Variants in TAFA1 observed in about 807,000 individuals in gnomAD.
TAFA1 encodes the protein chemokine-like protein TAFA-1.
TAFA1 carries 4 observed loss-of-function variants against 18.5 expected under a neutral mutation model. The ratio of observed to expected loss-of-function variants is 0.22; its 90% CI spans 0.11 to 0.49. TAFA1 has a LOEUF of 0.49. Among genes scored for constraint, TAFA1 ranks in the 20% least tolerant of loss-of-function variants. TAFA1 has a pLI of 0.98. For missense variants in TAFA1, 147 were observed against 169.0 expected (o/e 0.87, Z 0.72); for synonymous variants, 56 against 55.2 (o/e 1.01, Z -0.06).
the TAFA1 span, among the ~76,000 whole-genome samples, chr3:67,995,392 A>G: frequency 6.6e-6 from 1 of 152,106 alleles, no homozygotes; most frequent in Non-Finnish European, 1.5e-5. Context: ...GGGCATTTAG[A>G]GTTTTAAAAA....
chr3:68,187,120 G>C (rs554425760), intron 2 of TAFA1, among the ~76,000 whole-genome samples: 1 of 151,922 alleles, frequency 6.6e-6, no homozygotes, highest in African/African-American at 2.4e-5. Context: ...CATTTTACCT[G>C]TTATTATTTG....
intron 3 of TAFA1, among the ~76,000 whole-genome samples, chr3:68,433,983 G>C (rs963131686): frequency 3.9e-5 from 6 of 152,078 alleles, no homozygotes; most frequent in Non-Finnish European, 8.8e-5. Flanking sequence ...CTTTTGTCCT[G>C]AGTGTATCAC....
intron 2 of TAFA1, among the ~76,000 whole-genome samples, chr3:68,130,011 A>G (rs1176848426): frequency 6.6e-6 from 1 of 152,166 alleles, no homozygotes; most frequent in Non-Finnish European, 1.5e-5. Flanking sequence ...TTTGAGCAAA[A>G]TTTTATACAC....
At chr3:68,390,869 G>C (rs1439311808) in intron 2 of TAFA1, among the ~76,000 whole-genome samples, 4 of 152,104 alleles carry the variant, frequency 2.6e-5, no homozygotes, top group Non-Finnish European at 5.9e-5. Flanking sequence ...CAAAATCAAA[G>C]ACCAAATGTC....
At chr3:68,095,851 A>G (rs2065081553) in intron 2 of TAFA1, among the ~76,000 whole-genome samples, 1 of 152,086 alleles carries the variant, frequency 6.6e-6, no homozygotes, top group South Asian at 2.1e-4. Context: ...GTGTATATTT[A>G]TTGGGTACAC....
chr3:68,412,946 T>C (rs4855337), intron 2 of TAFA1, among the ~76,000 whole-genome samples: 142,979 of 150,680 alleles, frequency 0.95, 67,927 homozygotes, highest in East Asian at 1. Context: ...CCTGAGGAAT[T>C]GCCACACTGA....
intron 3 of TAFA1, among the ~76,000 whole-genome samples, chr3:68,494,616 TGTA>T (rs1302750507): frequency 3.3e-5 from 5 of 152,210 alleles, no homozygotes; most frequent in African/African-American, 1.2e-4. Context: ...TCTTGGTTCA[TGTA>T]GTACTCTTGA....
At chr3:68,018,142 A>C (rs1172260715) in intron 2 of TAFA1, among the ~76,000 whole-genome samples, 1 of 152,220 alleles carries the variant, frequency 6.6e-6, no homozygotes, top group Non-Finnish European at 1.5e-5. Context: ...TTTATTTCTT[A>C]ATTACTTAGT....
At chr3:68,454,285 A>G (rs2106904361) in intron 3 of TAFA1, among the ~76,000 whole-genome samples, 1 of 152,020 alleles carries the variant, frequency 6.6e-6, no homozygotes, top group Non-Finnish European at 1.5e-5. Context: ...CCATCTATTC[A>G]TTTGCTTCTA....
At chr3:68,228,459 G>C (rs2066830634) in intron 2 of TAFA1, among the ~76,000 whole-genome samples, 1 of 152,096 alleles carries the variant, frequency 6.6e-6, no homozygotes. Flanking sequence ...ATGATAATCA[G>C]GCTCAAAAAT....
At chr3:68,354,606 T>C (rs939423153) in intron 2 of TAFA1, among the ~76,000 whole-genome samples, 1 of 152,018 alleles carries the variant, frequency 6.6e-6, no homozygotes, top group Non-Finnish European at 1.5e-5. Context: ...AATAACTGAC[T>C]TAGTTCATTC....
chr3:68,439,829 A>T (rs2071340022), intron 3 of TAFA1, among the ~76,000 whole-genome samples: 1 of 152,028 alleles, frequency 6.6e-6, no homozygotes, highest in African/African-American at 2.4e-5. Flanking sequence ...ATTAACAATC[A>T]CAAGTCCATT....
chr3:68,330,812 T>C (rs1450499506), intron 2 of TAFA1, among the ~76,000 whole-genome samples: 1 of 152,214 alleles, frequency 6.6e-6, no homozygotes, highest in African/African-American at 2.4e-5. Flanking sequence ...GCCTTAATGG[T>C]CTTAGTCTAT....
intron 3 of TAFA1, among the ~76,000 whole-genome samples, chr3:68,534,686 T>A (rs1018258485): frequency 2.0e-5 from 3 of 152,156 alleles, no homozygotes; most frequent in African/African-American, 7.2e-5. Flanking sequence ...AACCAGTGGA[T>A]CTTTACAACC....
chr3:68,046,086 A>C (rs1705262267), intron 2 of TAFA1, among the ~76,000 whole-genome samples: 1 of 151,980 alleles, frequency 6.6e-6, no homozygotes, highest in Non-Finnish European at 1.5e-5. Flanking sequence ...TCTTATCTCC[A>C]TTATTTATGT....
At chr3:68,057,961 G>A (rs1487911069) in intron 2 of TAFA1, among the ~76,000 whole-genome samples, 2 of 152,168 alleles carry the variant, frequency 1.3e-5, no homozygotes, top group African/African-American at 4.8e-5. Context: ...CACCTGAAAT[G>A]CATTTCAGAC....
Position 68,163,512 on chromosome 3 carries a change from C to T in TAFA1, c.118+156768C>T, listed in dbSNP as rs199951324. 2.0e-5 allele frequency among the ~76,000 whole-genome samples: 3 copies of T among 152,284 alleles called. No homozygotes were observed. In the East Asian group the frequency reaches 5.8e-4, roughly 29 times the overall value. On this transcript the variant is annotated intron_variant, in intron 2 of 4. Transcript: ENST00000478136. ...ACCCTTAAGTCAAGACTTCAACCTT[C>T]GATTTCATTGATCTTCCCAAACGAC...
rs148222837 is a variant in TAFA1, at chr3:68,079,468, C to G, written c.118+72724C>G. 7.1e-3 allele frequency among the ~76,000 whole-genome samples: 1,077 copies of G among 152,216 alleles called. 4 individuals are homozygous for G. The highest frequency in any genetic ancestry group is 0.012 in the Non-Finnish European group (786 of 68,018). On this transcript the variant is annotated intron_variant, in intron 2 of 4. Transcript: ENST00000478136. ...GGCATTTAATGCTATAAATTTCCCT[C>G]TACACACTGCTTTGAATGCGTCCCA...
At chr3:68,438,589 G>T (rs769252000) in intron 3 of TAFA1, among the ~76,000 whole-genome samples, 1 of 151,968 alleles carries the variant, frequency 6.6e-6, no homozygotes, top group Non-Finnish European at 1.5e-5. Flanking sequence ...GTTCTGGTGG[G>T]GACTCCCTGG....
Sources: gnomAD v4.1 joint callset for allele counts (sites outside exome capture counted in the v4.1 genomes callset) on GRCh38, gnomAD v4.1.1 for gene constraint, MANE v1.5 for transcripts, NCBI Gene and HGNC (gene_info 2026-07-23, HGNC 2026-07-21) for gene names.